NEBL: variants seen among roughly 807,000 people sequenced by gnomAD.
NEBL encodes the protein nebulette, also known as LIM and SH3 protein 2.
NEBL carries 122 observed loss-of-function variants against 140.2 expected under a neutral mutation model. That is an observed-to-expected ratio of 0.87 (90% CI 0.75 to 1.01). The LOEUF (loss-of-function observed/expected upper bound fraction) is 1.01. Ranked by LOEUF, NEBL falls within the 50% of genes least tolerant of loss-of-function variation. The pLI, the probability that NEBL is intolerant of heterozygous loss-of-function variation, is 0.00. For synonymous variants in NEBL, 436 were observed against 398.9 expected, an observed-to-expected ratio of 1.09 and a Z score of -1.11; for missense variants, 1,365 against 1,231.3, an observed-to-expected ratio of 1.11 and a Z score of -1.62.
At chr10:20,915,795 G>A (rs922516304) in intron 4 of NEBL, among the ~76,000 whole-genome samples, 4 of 152,070 alleles carry the variant, frequency 2.6e-5, no homozygotes, top group Admixed American at 1.3e-4. Flanking sequence ...TGGGTCAAAT[G>A]GTATTTCTAG....
intron 2 of NEBL, among the ~76,000 whole-genome samples, chr10:21,067,277 A>G (rs1835611335): frequency 6.6e-6 from 1 of 152,140 alleles, no homozygotes. Context: ...AGCCGAAATA[A>G]TTTAACTTTT....
At position 20,889,866 on chromosome 10, in the gene NEBL, A is replaced by C. The variant is rs1483630054; in HGVS notation, c.237T>G (p.Asn79Lys). 1.9e-6 allele frequency: 3 copies of C among 1,612,136 alleles called. No individual in the cohort carries two copies. In the South Asian group the frequency reaches 3.3e-5, roughly 18 times the overall value. The change falls in exon 3 of 28, where the codon AAT (asparagine) becomes AAG (lysine). Residue 79 changes from asparagine (N) to lysine (K), a missense_variant. This residue lies in a region of NEBL where 1,323 missense variants were observed against 1,154.8 expected (regional missense o/e 1.15). Coordinates refer to ENST00000377122, the MANE Select transcript of NEBL (RefSeq NM_006393.3). ...TDSPMLNHVKNIGAFISEAKY... is the reference protein window; with the variant it reads ...TDSPMLNHVKKIGAFISEAKY... ...TTACCTCAGAAATAAAAGCACCGAT[A>C]TTTTTTACATGGTTTAGCATAGGAC...
At chr10:21,193,498 A>G (rs1003896828) in intron 3 of NEBL, among the ~76,000 whole-genome samples, 1 of 152,168 alleles carries the variant, frequency 6.6e-6, no homozygotes, top group Non-Finnish European at 1.5e-5. Flanking sequence ...TTTAAGGGCT[A>G]CACTAGCTGT....
chr10:20,961,299 C>A (rs1447745234), intron 4 of NEBL, among the ~76,000 whole-genome samples: 2 of 152,040 alleles, frequency 1.3e-5, no homozygotes, highest in Non-Finnish European at 2.9e-5. Flanking sequence ...TTATAGACAC[C>A]TAGTCGGCAA....
At chr10:20,977,902 C>G (rs940175643) in intron 3 of NEBL, among the ~76,000 whole-genome samples, 12 of 152,172 alleles carry the variant, frequency 7.9e-5, no homozygotes, top group Non-Finnish European at 1.5e-5. Context: ...CCTAACGTTC[C>G]TGCTCATCTC....
intron 7 of NEBL, among the ~76,000 whole-genome samples, chr10:20,861,842 A>ACT (rs1360274870): frequency 6.6e-6 from 1 of 152,124 alleles, no homozygotes; most frequent in African/African-American, 2.4e-5. Flanking sequence ...CCCTTCCTCA[A>ACT]CTTATGATGG....
chr10:20,919,264 A>G (rs1833462949), intron 4 of NEBL, among the ~76,000 whole-genome samples: 1 of 152,192 alleles, frequency 6.6e-6, no homozygotes, highest in Non-Finnish European at 1.5e-5. Flanking sequence ...GGTTGAGAAC[A>G]TAGGTTCCAG....
At chr10:20,935,161 C>G (rs1457298825) in intron 4 of NEBL, among the ~76,000 whole-genome samples, 1 of 152,186 alleles carries the variant, frequency 6.6e-6, no homozygotes, top group Non-Finnish European at 1.5e-5. Flanking sequence ...TCCTTCAACA[C>G]AGTGTGGTAA....
intron 3 of NEBL, among the ~76,000 whole-genome samples, chr10:21,194,778 T>G (rs1270911828): frequency 6.6e-6 from 1 of 152,040 alleles, no homozygotes; most frequent in Non-Finnish European, 1.5e-5. Flanking sequence ...TTGGTTCAAG[T>G]TTTCAATCAT....
intron 3 of NEBL, among the ~76,000 whole-genome samples, chr10:20,969,827 G>A (rs1426778129): frequency 6.6e-6 from 1 of 151,928 alleles, no homozygotes; most frequent in Non-Finnish European, 1.5e-5. Flanking sequence ...TTCCAGGTGT[G>A]AGCCACCGTG....
intron 3 of NEBL, among the ~76,000 whole-genome samples, chr10:21,210,922 G>A (rs1013866751): frequency 6.6e-6 from 1 of 152,202 alleles, no homozygotes; most frequent in African/African-American, 2.4e-5. Context: ...TAGCCAGTAG[G>A]AGTTAATTTT....
At chr10:20,961,543 A>T (rs544475140) in intron 4 of NEBL, 40 of 762,256 alleles carry the variant, frequency 5.2e-5, no homozygotes, top group South Asian at 5.0e-4. Flanking sequence ...AAATTGGCAT[A>T]GTCTATGCGT....
intron 1 of NEBL, among the ~76,000 whole-genome samples, chr10:21,274,561 G>A (rs895430483): frequency 6.6e-6 from 1 of 152,074 alleles, no homozygotes; most frequent in African/African-American, 2.4e-5. Flanking sequence ...GAGTAGCTGG[G>A]ATTACATGAA....
chr10:21,044,394 G>GAAGAAA (rs1834409718), intron 2 of NEBL, among the ~76,000 whole-genome samples: 1 of 1,930 alleles, frequency 5.2e-4, no homozygotes, highest in Non-Finnish European at 1.2e-3. Context: ...GACAGAGTAA[G>GAAGAAA]AATAAAAAAA....
At chr10:20,897,096 C>A in intron 1 of NEBL, 29 bp downstream of exon 1, 1 of 1,591,954 alleles carries the variant, frequency 6.3e-7, no homozygotes, top group Non-Finnish European at 8.6e-7. Flanking sequence ...GGAACAAACG[C>A]TGGTCTGAGT....
At chr10:20,902,673 T>G (rs764993193) in intron 4 of NEBL, among the ~76,000 whole-genome samples, 3 of 152,130 alleles carry the variant, frequency 2.0e-5, no homozygotes, top group Non-Finnish European at 4.4e-5. Flanking sequence ...GCTGAAAGTC[T>G]TCGGTTTCAT....
At chr10:20,915,058 C>T (rs1462351985) in intron 4 of NEBL, among the ~76,000 whole-genome samples, 1 of 150,676 alleles carries the variant, frequency 6.6e-6, no homozygotes, top group East Asian at 1.9e-4. Context: ...CCACCTCAGC[C>T]TCCCAGAGTG....
chr10:21,088,058 G>C (rs1357548411), intron 2 of NEBL, among the ~76,000 whole-genome samples: 2 of 152,166 alleles, frequency 1.3e-5, no homozygotes, highest in Non-Finnish European at 2.9e-5. Flanking sequence ...AGCTTCCCCT[G>C]ACAGTGTTTC....
chr10:20,949,215 A>C (rs901560822), intron 4 of NEBL, among the ~76,000 whole-genome samples: 5 of 152,170 alleles, frequency 3.3e-5, no homozygotes, highest in African/African-American at 1.2e-4. Context: ...CAAACACTGC[A>C]TGTTCTCATT....
Sources: allele counts gnomAD v4.1 joint callset (sites outside exome capture counted in the v4.1 genomes callset), GRCh38; gene constraint gnomAD v4.1.1; regional missense constraint gnomAD v4.1.1; transcripts MANE v1.5; gene names NCBI Gene and HGNC (gene_info 2026-07-23, HGNC 2026-07-21).